Variants in SLC66A1 observed in about 807,000 individuals in gnomAD.
The protein encoded by SLC66A1 is lysosomal amino acid transporter 1 homolog.
A neutral mutation model predicts 33.0 loss-of-function variants in SLC66A1; 23 were observed. That is an observed-to-expected ratio of 0.70 (90% CI 0.50 to 0.99). The LOEUF (loss-of-function observed/expected upper bound fraction) is 0.99. SLC66A1 is among the 50% of genes least tolerant of loss of function. SLC66A1 has a pLI of 0.00. For synonymous variants in SLC66A1, 164 were observed against 175.5 expected (o/e 0.93, Z 0.52); for missense variants, 335 against 383.6 (o/e 0.87, Z 1.06).
Position 19,328,034 on chromosome 1 carries a change from A to T in SLC66A1, c.805-538A>T. On this transcript the variant is annotated intron_variant, in intron 7 of 7. Transcript: ENST00000375153. This position sits in a 1 kb window ranked among gnomAD's most constrained non-coding sequence, Gnocchi z 4.7. Reference sequence around the variant, plus strand: ...CTCAGTTAACAGCCACTGTCTCGTCAGGATGTTGTGTAAGATGAGGTATCT... The same window carrying T: ...CTCAGTTAACAGCCACTGTCTCGTCTGGATGTTGTGTAAGATGAGGTATCT... 1 of 244,586 alleles carries T rather than the reference A, an allele frequency of 4.1e-6. No individual in the cohort carries two copies. Among genetic ancestry groups the T allele is most frequent in the Non-Finnish European group, 8.2e-6 (1 of 122,490 alleles). 15.2% of individuals were successfully genotyped at this position (244,586 alleles called of 1,614,324 possible).
chr1:19,314,117 G>A (rs2093792820), intron 1 of SLC66A1, among the ~76,000 whole-genome samples: 1 of 152,312 alleles, frequency 6.6e-6, no homozygotes, highest in East Asian at 1.9e-4. Flanking sequence ...GTTTGAACAG[G>A]ATGTGGGCCC....
chr1:19,318,533 T>C (rs1049747658), intron 2 of SLC66A1, among the ~76,000 whole-genome samples: 1 of 152,070 alleles, frequency 6.6e-6, no homozygotes, highest in Admixed American at 6.5e-5. Context: ...CTCAGGGCCT[T>C]CACACAATGT....
At chr1:19,322,011 C>T (rs1482164496) in intron 2 of SLC66A1, among the ~76,000 whole-genome samples, 2 of 152,216 alleles carry the variant, frequency 1.3e-5, no homozygotes, top group Admixed American at 1.3e-4. Flanking sequence ...GCTAAACAGA[C>T]ACTGTCCTTG....
rs774682515 is a variant in SLC66A1 at position 19,317,627 on chromosome 1, G to A, written c.-51G>A. ...CCCTTGCTGGCCTCAGAACACCAGC[G>A]CCCTCCCTCCGGTGCAGCCCTGCCT... On this transcript the variant is annotated 5_prime_UTR_variant, in exon 2 of 8. Transcript: ENST00000375153. 30 of 1,598,338 alleles carry A rather than the reference G, an allele frequency of 1.9e-5. No individual in the cohort carries two copies. Among genetic ancestry groups the A allele is most frequent in the Middle Eastern group, 1.7e-4 (1 of 5,920 alleles).
chr1:19,326,324 C>T lies in SLC66A1; in HGVS notation c.462C>T (p.Pro154=), dbSNP rs368585233. The change falls in exon 5 of 8, where the codon CCC becomes CCT. Residue 154 remains proline, a synonymous_variant. Coordinates refer to ENST00000375153, the MANE Select transcript of SLC66A1 (RefSeq NM_001040125.2). ...CACCGCTGCTGAGTGCTGCTGGGCC[C>T]GTGGCTGCCCCTAGGGAAGCCTTCC... ...CATPLLSAAG[P]VAAPREAFRG... is the part of the protein sequence containing the mutation. The T allele has an allele frequency of 3.2e-5, 51 of 1,606,700 alleles. No homozygotes were observed. Among genetic ancestry groups the T allele is most frequent in the East Asian group, 4.5e-5 (2 of 44,868 alleles).
chr1:19,316,152 A>G lies in SLC66A1; in HGVS notation c.-78-1448A>G, dbSNP rs74768641. ...GCCCTGCCCACCCCTGCGATCAGCC[A>G]TATTCTGGCTTTGTCATTGTGACGG... On this transcript the variant is annotated intron_variant, in intron 1 of 7. Coordinates refer to ENST00000375153, the MANE Select transcript of SLC66A1 (RefSeq NM_001040125.2). 8.1e-4 allele frequency among the ~76,000 whole-genome samples: 123 copies of G among 152,186 alleles called. 4 individuals are homozygous for G. In the East Asian group the frequency reaches 0.019, roughly 23 times the overall value.
intron 6 of SLC66A1, 138 bp from the exon 7 acceptor site, chr1:19,327,089 C>T: frequency 1.1e-6 from 1 of 890,236 alleles, no homozygotes; most frequent in Non-Finnish European, 1.7e-6. Flanking sequence ...TGTGTCGGGC[C>T]CATATCCCTG....
At chr1:19,317,174 G>A (rs1203154471) in intron 1 of SLC66A1, among the ~76,000 whole-genome samples, 2 of 152,094 alleles carry the variant, frequency 1.3e-5, no homozygotes, top group Admixed American at 6.5e-5. Context: ...AAGAGTCATA[G>A]GAAAAGGTAA....
rs902927454 is a variant in SLC66A1 at position 19,320,019 on chromosome 1, C to T, written c.164+2178C>T. On this transcript the variant is annotated intron_variant, in intron 2 of 7. Coordinates refer to ENST00000375153, the MANE Select transcript of SLC66A1 (RefSeq NM_001040125.2). ...TCAAGAGATTCCCCTGCCTCAGCCT[C>T]CCGAGTAGCTGGGAATACAGGCATG... Among the ~76,000 whole-genome samples the T allele has an allele frequency of 2.6e-5, 4 of 151,380 alleles. No homozygotes were observed. In the South Asian group the frequency reaches 8.3e-4, roughly 32 times the overall value.
chr1:19,329,796 T>A (rs1432055947), downstream of SLC66A1, among the ~76,000 whole-genome samples: 1 of 151,978 alleles, frequency 6.6e-6, no homozygotes, highest in Non-Finnish European at 1.5e-5. Context: ...ATCTTGGAGA[T>A]CAGGGAGAGC....
At chr1:19,333,443 A>G (rs2093897487), downstream of SLC66A1, among the ~76,000 whole-genome samples, 1 of 151,980 alleles carries the variant, frequency 6.6e-6, no homozygotes. This position sits in a 1 kb window ranked among gnomAD's most constrained non-coding sequence, Gnocchi z 4.2. Flanking sequence ...CAGCCTCCCA[A>G]ATTTGCTGGG....
intron 1 of SLC66A1, among the ~76,000 whole-genome samples, chr1:19,315,170 A>C (rs2093798582): frequency 6.6e-6 from 1 of 152,184 alleles, no homozygotes; most frequent in African/African-American, 2.4e-5. Context: ...TGGCCTCCCA[A>C]AGTGCTGGGA....
rs1357597882 is a variant in SLC66A1 at position 19,317,971 on chromosome 1, C to G, written c.164+130C>G. 2.2e-6 allele frequency: 3 copies of G among 1,380,966 alleles called. No individual in the cohort carries two copies. The African/African-American group carries it at 4.3e-5, about 20-fold the overall frequency. 85.5% of individuals were successfully genotyped at this position (1,380,966 alleles called of 1,614,324 possible). A position where few individuals can be genotyped will look rare whatever the true frequency, so the allele number is the denominator to read the frequency against. Reference sequence around the variant, plus strand: ...CAGACTAGAGGCTGGGGTGTGTTCCCTCGACAGGGACCTGCACTGATTGCT... The same window carrying G: ...CAGACTAGAGGCTGGGGTGTGTTCCGTCGACAGGGACCTGCACTGATTGCT... On this transcript the variant is annotated intron_variant, in intron 2 of 7. Transcript: ENST00000375153.
chr1:19,331,458 C>CT (rs2093892329), downstream of SLC66A1, among the ~76,000 whole-genome samples: 1 of 152,166 alleles, frequency 6.6e-6, no homozygotes, highest in Non-Finnish European at 1.5e-5. Flanking sequence ...GGCCCGTGTC[C>CT]CCTTCCTCCA....
intron 1 of SLC66A1, among the ~76,000 whole-genome samples, chr1:19,315,714 G>GTC (rs566291332): frequency 1.1e-4 from 16 of 152,122 alleles, no homozygotes; most frequent in African/African-American, 2.9e-4. Context: ...AGGCTTCTCT[G>GTC]TCTCTCTCTC....
downstream of SLC66A1, among the ~76,000 whole-genome samples, chr1:19,334,207 G>C (rs1377837046): frequency 1.3e-5 from 2 of 152,312 alleles, no homozygotes; most frequent in South Asian, 4.1e-4. Flanking sequence ...CTCAGTAGGC[G>C]CTGAATGTTT....
At position 19,328,875 on chromosome 1, in the gene SLC66A1, T is replaced by C; in HGVS notation, c.*232T>C. ...TCTCAGGAGACAGTGAGGCTGCCCC[T>C]CCTACCACCTACCTCATTCTGCCTA... On this transcript the variant is annotated 3_prime_UTR_variant, in exon 8 of 8. Coordinates refer to ENST00000375153, the MANE Select transcript of SLC66A1 (RefSeq NM_001040125.2). The surrounding 1 kb of genome is among the most constrained non-coding windows in gnomAD (Gnocchi z 4.7). The C allele has an allele frequency of 1.7e-6, 1 of 585,254 alleles. No individual in the cohort carries two copies. The highest frequency in any genetic ancestry group is 3.0e-6 in the Non-Finnish European group (1 of 328,080). 36.3% of individuals were successfully genotyped at this position (585,254 alleles called of 1,614,324 possible).
downstream of SLC66A1, among the ~76,000 whole-genome samples, chr1:19,332,052 T>C (rs957326993): frequency 2.6e-5 from 4 of 152,130 alleles, no homozygotes; most frequent in Non-Finnish European, 5.9e-5. Flanking sequence ...GGCCTGCAGC[T>C]CATCCAAACC....
downstream of SLC66A1, among the ~76,000 whole-genome samples, chr1:19,331,023 T>A (rs1558157478): frequency 6.6e-6 from 1 of 152,192 alleles, no homozygotes; most frequent in Non-Finnish European, 1.5e-5. Context: ...AGTTTTTATT[T>A]TTTTTTGACA....
Sources: gnomAD v4.1 joint callset for allele counts (sites outside exome capture counted in the v4.1 genomes callset) on GRCh38, gnomAD v4.1.1 for gene constraint, Gnocchi (gnomAD v3.1) non-coding constraint, MANE v1.5 for transcripts, NCBI Gene and HGNC (gene_info 2026-07-23, HGNC 2026-07-21) for gene names.